C10orf88: variants seen among roughly 807,000 people sequenced by gnomAD.
C10orf88 encodes ATPase PAAT.
In C10orf88, 29 loss-of-function variants were observed where a neutral mutation model predicts 34.2. The observed-to-expected ratio is 0.85, with a 90% CI of 0.63 to 1.16. C10orf88 has a LOEUF of 1.16. C10orf88 is among the 50% of genes most tolerant of loss of function. The probability of loss-of-function intolerance (pLI) is 0.00; values close to 1 mark genes in which losing one functional copy is unlikely to be tolerated. For synonymous variants in C10orf88, 194 were observed against 197.4 expected (o/e 0.98, Z 0.15); for missense variants, 507 against 533.2 (o/e 0.95, Z 0.48).
intron 3 of C10orf88, among the ~76,000 whole-genome samples, chr10:122,950,104 C>T (rs1470779579): frequency 1.3e-5 from 2 of 152,194 alleles, no homozygotes; most frequent in African/African-American, 2.4e-5. Flanking sequence ...AGGGAACGGA[C>T]TTTAGAATCA....
chr10:122,935,565 C>T (rs1848527410), intron 5 of C10orf88, among the ~76,000 whole-genome samples: 1 of 151,912 alleles, frequency 6.6e-6, no homozygotes, highest in Admixed American at 6.6e-5. Flanking sequence ...ATTTCTCTTA[C>T]ACTTTTTCAA....
At chr10:122,932,733 G>C in intron 5 of C10orf88, 72 bp from the exon 6 acceptor site, 3 of 1,040,608 alleles carry the variant, frequency 2.9e-6, no homozygotes, top group Non-Finnish European at 4.2e-6. Context: ...AAAACAAGCA[G>C]CCAACATATA....
At chr10:122,953,452 A>G (rs1848712562) in intron 1 of C10orf88, among the ~76,000 whole-genome samples, 1 of 152,126 alleles carries the variant, frequency 6.6e-6, no homozygotes. Context: ...AGAAGCGCTC[A>G]ACACAGAATT....
chr10:122,953,954 C>G lies in C10orf88; in HGVS notation c.164+61G>C, dbSNP rs1848720747. 6 of 1,439,180 alleles carry G rather than the reference C, an allele frequency of 4.2e-6. No individual in the cohort carries two copies. The African/African-American group carries it at 8.9e-5, about 21-fold the overall frequency. The allele number at this position is 1,439,180 out of a possible 1,614,324, so 89.2% of individuals were successfully genotyped here. A position where few individuals can be genotyped will look rare whatever the true frequency, so the allele number is the denominator to read the frequency against. On this transcript the variant is annotated intron_variant, in intron 1 of 5. Transcript: ENST00000481909. ...CAGACCCTCTCGCCTCCCCTCACAGCTCCCCTAGAAGCGCGGCAGTTGCCG... is the reference window on the plus strand; with the variant it reads ...CAGACCCTCTCGCCTCCCCTCACAGGTCCCCTAGAAGCGCGGCAGTTGCCG...
chr10:122,935,745 A>C (rs1848528939), intron 5 of C10orf88, among the ~76,000 whole-genome samples: 1 of 151,910 alleles, frequency 6.6e-6, no homozygotes, highest in South Asian at 2.1e-4. Flanking sequence ...CTGTGTCTTC[A>C]AATCCATGAA....
intron 5 of C10orf88, among the ~76,000 whole-genome samples, chr10:122,933,631 C>T (rs543825337): frequency 6.6e-6 from 1 of 152,262 alleles, no homozygotes; most frequent in East Asian, 1.9e-4. Flanking sequence ...TATGTTATTG[C>T]CCTGATGACT....
At chr10:122,950,888 C>T (rs1848683713) in intron 3 of C10orf88, among the ~76,000 whole-genome samples, 1 of 152,200 alleles carries the variant, frequency 6.6e-6, no homozygotes, top group Non-Finnish European at 1.5e-5. Context: ...AGTTTGCTAT[C>T]TGCCTGTAAA....
intron 4 of C10orf88, among the ~76,000 whole-genome samples, chr10:122,943,225 C>G (rs1379980075): frequency 7.4e-6 from 1 of 134,618 alleles, no homozygotes; most frequent in African/African-American, 2.8e-5. Flanking sequence ...CGCCGCATAT[C>G]TACAACTATC....
chr10:122,935,509 T>C (rs2133328057), intron 5 of C10orf88, among the ~76,000 whole-genome samples: 1 of 152,154 alleles, frequency 6.6e-6, no homozygotes, highest in South Asian at 2.1e-4. Context: ...CCTCTGACAA[T>C]AACACAGTCT....
chr10:122,933,590 T>C (rs982518905), intron 5 of C10orf88: 1 of 152,210 alleles, frequency 6.6e-6, no homozygotes, highest in Admixed American at 6.5e-5. Flanking sequence ...CTCATCCTCA[T>C]ACTCATGAAT....
intron 4 of C10orf88, among the ~76,000 whole-genome samples, chr10:122,942,168 C>T (rs955904284): frequency 6.6e-6 from 1 of 152,006 alleles, no homozygotes; most frequent in Non-Finnish European, 1.5e-5. Flanking sequence ...ATCCTCTAAT[C>T]GTTACCAAAA....
At position 122,937,885 on chromosome 10, in the gene C10orf88, A is replaced by T. The variant is rs1289752995; in HGVS notation, c.923T>A (p.Leu308His). The part of the protein sequence containing the change: ...PQNHSFLEND[L>H]KNAMASFLPK... ...TAAGAAAGAGGCCATTGCATTTTTA[A>T]GATCATTTTCAAGAAAGGAATGGTT... is the stretch of plus-strand genomic sequence containing the variant. The change falls in exon 5 of 6, where the codon CTT becomes CAT. Residue 308 changes from leucine to histidine, a missense_variant. By Grantham distance (99) the Leu-to-His change is moderately conservative. Transcript: ENST00000481909. The T allele has an allele frequency of 2.5e-6, 4 of 1,613,308 alleles. No individual in the cohort carries two copies. The highest frequency in any genetic ancestry group is 3.4e-6 in the Non-Finnish European group (4 of 1,179,516).
chr10:122,946,943 G>A (rs1017143181), intron 4 of C10orf88, among the ~76,000 whole-genome samples: 3 of 152,114 alleles, frequency 2.0e-5, no homozygotes, highest in Admixed American at 6.6e-5. Context: ...AGGAGATGAG[G>A]TTGAGAAGGC....
At chr10:122,942,030 T>C (rs561359206) in intron 4 of C10orf88, among the ~76,000 whole-genome samples, 22 of 152,198 alleles carry the variant, frequency 1.4e-4, no homozygotes, top group Non-Finnish European at 2.9e-4. Flanking sequence ...TTAAAATTCA[T>C]GGCAAAGAAA....
At chr10:122,940,956 A>T (rs1848575621) in intron 4 of C10orf88, among the ~76,000 whole-genome samples, 1 of 152,106 alleles carries the variant, frequency 6.6e-6, no homozygotes, top group Non-Finnish European at 1.5e-5. Context: ...TATATTCTGT[A>T]TACACACAAT....
In C10orf88 at chr10:122,952,964, C is replaced by G. The variant is rs1848705829; in HGVS notation, c.233G>C (p.Arg78Thr). Residue 78 changes from arginine (R) to threonine (T), a missense_variant, in exon 2 of 6, where the codon AGG (arginine) becomes ACG (threonine). By Grantham distance (71) the Arg-to-Thr change is moderately conservative. Coordinates refer to ENST00000481909, the MANE Select transcript of C10orf88 (RefSeq NM_024942.4). Reference protein sequence around the residue: ...KDENPCFLYLRCGPDGGEEIA... With the variant: ...KDENPCFLYLTCGPDGGEEIA... The stretch of plus-strand genomic sequence containing the variant: ...TTCTTCACCTCCATCAGGGCCACAC[C>G]TCAGGTAAAGGAAGCAGGGGTTTTC... 2.0e-5 allele frequency: 32 copies of G among 1,614,146 alleles called. No individual in the cohort carries two copies. Among genetic ancestry groups the G allele is most frequent in the Non-Finnish European group, 2.7e-5 (32 of 1,180,034 alleles).
intron 4 of C10orf88, among the ~76,000 whole-genome samples, chr10:122,942,008 C>G (rs907121130): frequency 2.0e-5 from 3 of 152,032 alleles, no homozygotes; most frequent in Admixed American, 6.6e-5. Flanking sequence ...TTACCTAACA[C>G]TTCTGTATTG....
At chr10:122,949,196 G>A (rs1221988614) in intron 3 of C10orf88, among the ~76,000 whole-genome samples, 1 of 152,088 alleles carries the variant, frequency 6.6e-6, no homozygotes, top group Non-Finnish European at 1.5e-5. Context: ...GACCTCCAGT[G>A]GCTCCCTGAA....
Position 122,937,883 on chromosome 10 carries a change from T to G in C10orf88, c.925A>C (p.Lys309Gln). 1 of 1,613,400 alleles carries G rather than the reference T, an allele frequency of 6.2e-7. No homozygotes were observed. The highest frequency in any genetic ancestry group is 8.5e-7 in the Non-Finnish European group (1 of 1,179,512). ...GGTAAGAAAGAGGCCATTGCATTTT[T>G]AAGATCATTTTCAAGAAAGGAATGG... ...QNHSFLENDL[K>Q]NAMASFLPKK... The change falls in exon 5 of 6, where the codon AAA (lysine) becomes CAA (glutamine). Residue 309 changes from lysine (K) to glutamine (Q), a missense_variant. Coordinates refer to ENST00000481909, the MANE Select transcript of C10orf88 (RefSeq NM_024942.4).
Sources: allele counts gnomAD v4.1 joint callset (sites outside exome capture counted in the v4.1 genomes callset), GRCh38; gene constraint gnomAD v4.1.1; transcripts MANE v1.5; gene names NCBI Gene and HGNC (gene_info 2026-07-23, HGNC 2026-07-21).